Variants in LNX1 observed in about 807,000 individuals in gnomAD.
LNX1 encodes the protein E3 ubiquitin-protein ligase LNX.
Under a neutral mutation model 68.4 loss-of-function variants are expected in LNX1, and 54 were observed. The observed-to-expected ratio is 0.79, with a 90% CI of 0.63 to 0.99. The LOEUF (loss-of-function observed/expected upper bound fraction) is 0.99. Among genes scored for constraint, LNX1 ranks in the 50% least tolerant of loss-of-function variants. The pLI is 0.00. For missense variants in LNX1, 906 were observed against 926.4 expected, an observed-to-expected ratio of 0.98 and a Z score of 0.29; for synonymous variants, 336 against 350.0, an observed-to-expected ratio of 0.96 and a Z score of 0.45.
At chr4:53,640,902 C>G (rs541431282) in intron 1 of LNX1, among the ~76,000 whole-genome samples, 1 of 152,314 alleles carries the variant, frequency 6.6e-6, no homozygotes, top group South Asian at 2.1e-4. Flanking sequence ...TTTGGACAGT[C>G]TTTGTTTTTC....
At chr4:53,469,658 T>C (rs1454449340) in intron 9 of LNX1, among the ~76,000 whole-genome samples, 1 of 152,110 alleles carries the variant, frequency 6.6e-6, no homozygotes, top group East Asian at 1.9e-4. Flanking sequence ...ACAAAGGGGA[T>C]ATCACCACCA....
At chr4:53,547,614 C>T (rs1329009087) in intron 2 of LNX1, among the ~76,000 whole-genome samples, 1 of 152,164 alleles carries the variant, frequency 6.6e-6, no homozygotes, top group Admixed American at 6.5e-5. Context: ...CTGGATAGAG[C>T]TGCTAACAAA....
intron 6 of LNX1, among the ~76,000 whole-genome samples, chr4:53,490,313 T>C (rs1477517270): frequency 6.6e-6 from 1 of 152,244 alleles, no homozygotes; most frequent in Admixed American, 6.5e-5. Context: ...TGTTCTGTTA[T>C]CTTAGCTATG....
chr4:53,470,552 C>T (rs1312537749), intron 9 of LNX1, among the ~76,000 whole-genome samples: 1 of 152,198 alleles, frequency 6.6e-6, no homozygotes, highest in African/African-American at 2.4e-5. Context: ...GTCAAATTGT[C>T]CCTGTTTGCA....
chr4:53,496,071 T>C lies in LNX1; in HGVS notation c.1302A>G (p.Gly434=). 2.5e-6 allele frequency: 4 copies of C among 1,614,184 alleles called. No individual in the cohort carries two copies. The highest frequency in any genetic ancestry group is 3.4e-6 in the Non-Finnish European group (4 of 1,180,016). Residue 434 remains glycine, a synonymous_variant, in exon 6 of 11, where the codon GGA becomes GGG. Transcript: ENST00000263925. ...EENDRVLAIN[G]HDLRYGSPES... is the part of the protein sequence containing the mutation. Reference sequence around the variant, plus strand: ...CTGGGCTGCCATATCGAAGATCATGTCCATTGATGGCTAACACACGGTCAT... The same window carrying C: ...CTGGGCTGCCATATCGAAGATCATGCCCATTGATGGCTAACACACGGTCAT...
intron 2 of LNX1, among the ~76,000 whole-genome samples, chr4:53,523,995 A>C (rs1034879889): frequency 3.3e-5 from 5 of 152,238 alleles, no homozygotes; most frequent in African/African-American, 1.2e-4. Context: ...TGGTCAGCCT[A>C]GTCTTAAATT....
chr4:53,544,821 A>G (rs895007975), intron 2 of LNX1, among the ~76,000 whole-genome samples: 1 of 152,176 alleles, frequency 6.6e-6, no homozygotes, highest in Non-Finnish European at 1.5e-5. Flanking sequence ...CAGTAGCTCC[A>G]TGAGGTTGAT....
chr4:53,643,912 C>A (rs1279467084), intron 1 of LNX1, among the ~76,000 whole-genome samples: 2 of 152,168 alleles, frequency 1.3e-5, no homozygotes, highest in African/African-American at 2.4e-5. Flanking sequence ...ATGAATGGAG[C>A]ATGACCTGAC....
In LNX1 at chr4:53,623,699, G is replaced by A. The variant is rs1733969876; in HGVS notation, c.-215+28469C>T. 2.6e-5 allele frequency among the ~76,000 whole-genome samples: 4 copies of A among 151,890 alleles called. No homozygotes were observed. In the South Asian group the frequency reaches 6.3e-4, roughly 24 times the overall value. ...ATGTTTTATTTTTGTTAAAACCACC[G>A]AGAATTTATAACTATCAAGAGATTT... On this transcript the variant is annotated intron_variant, in intron 1 of 2. Coordinates refer to the LNX1 transcript ENST00000507168.
intron 6 of LNX1, among the ~76,000 whole-genome samples, chr4:53,493,617 G>A (rs185992615): frequency 1.1e-3 from 166 of 152,336 alleles, no homozygotes; most frequent in Non-Finnish European, 2.0e-3. Context: ...CCAGATCTCA[G>A]GTGCAGGCAA....
In LNX1 at chr4:53,506,697, A is replaced by C. The variant is rs1339542002; in HGVS notation, c.775+620T>G. 2.6e-5 allele frequency among the ~76,000 whole-genome samples: 4 copies of C among 152,010 alleles called. No individual in the cohort carries two copies. In the East Asian group the frequency reaches 7.7e-4, roughly 29 times the overall value. On this transcript the variant is annotated intron_variant, in intron 4 of 10. Transcript: ENST00000263925. ...TGGAGAAACCCCGTCTCTACTAAAA[A>C]ATACAAAAAATAGCTGGTTGTGGTT... is the stretch of plus-strand genomic sequence containing the variant.
At chr4:53,574,496 C>A (rs1031280520) in intron 1 of LNX1, among the ~76,000 whole-genome samples, 4 of 152,128 alleles carry the variant, frequency 2.6e-5, no homozygotes, top group African/African-American at 4.8e-5. Context: ...TTTCTCTTAT[C>A]TTTCTTCCCC....
rs573155391 is a variant in LNX1 at position 53,521,458 on chromosome 4, T to C, written c.381-13231A>G. On this transcript the variant is annotated intron_variant, in intron 2 of 10. Transcript: ENST00000263925. ...GCTGGGTGTCACAGGCCCTCCTGGA[T>C]ATGCTGCATGACACTCAGTGGAAAA... Among the ~76,000 whole-genome samples, 28 of 152,336 alleles carry C rather than the reference T, an allele frequency of 1.8e-4. No homozygotes were observed. In the South Asian group the frequency reaches 5.8e-3, roughly 32 times the overall value.
rs1296683652 is a variant in LNX1 at position 53,567,376 on chromosome 4, A to C, written c.380+6247T>G. Among the ~76,000 whole-genome samples, 18 of 149,830 alleles carry C rather than the reference A, an allele frequency of 1.2e-4. No homozygotes were observed. In the East Asian group the frequency reaches 3.5e-3, roughly 29 times the overall value. Reference sequence around the variant, plus strand: ...CCACTCAACTACATGGAAACTGAACAACCTGCTCCTGAATGACTACTGGGT... The same window carrying C: ...CCACTCAACTACATGGAAACTGAACCACCTGCTCCTGAATGACTACTGGGT... On this transcript the variant is annotated intron_variant, in intron 2 of 10. Transcript: ENST00000263925.
intron 1 of LNX1, among the ~76,000 whole-genome samples, chr4:53,586,025 A>G (rs1198946357): frequency 1.3e-5 from 2 of 152,188 alleles, no homozygotes; most frequent in Admixed American, 6.5e-5. Context: ...CTACATATTT[A>G]GCAACTCTAC....
intron 2 of LNX1, among the ~76,000 whole-genome samples, chr4:53,560,827 A>C (rs895258757): frequency 6.6e-6 from 1 of 152,238 alleles, no homozygotes; most frequent in Non-Finnish European, 1.5e-5. Context: ...CTACCTGGTT[A>C]AACCAATATA....
intron 2 of LNX1, chr4:53,524,215 T>G (rs1727450888): frequency 6.6e-6 from 1 of 152,192 alleles, no homozygotes; most frequent in African/African-American, 2.4e-5. Context: ...CACTAGACCT[T>G]GATGGCACTA....
chr4:53,466,906 C>CGAG (rs1366768202), intron 9 of LNX1, among the ~76,000 whole-genome samples: 1 of 152,206 alleles, frequency 6.6e-6, no homozygotes, highest in Admixed American at 6.5e-5. Flanking sequence ...CTGTAGGCTC[C>CGAG]ATCTCTGGGG....
chr4:53,544,426 C>A (rs1913486), intron 2 of LNX1, among the ~76,000 whole-genome samples: 26,745 of 152,038 alleles, frequency 0.18, 2,941 homozygotes, highest in South Asian at 0.34. Context: ...AACTACTGAA[C>A]TCAGGTGATC....
Sources: allele counts gnomAD v4.1 joint callset (sites outside exome capture counted in the v4.1 genomes callset), GRCh38; gene constraint gnomAD v4.1.1; transcripts MANE v1.5; gene names NCBI Gene and HGNC (gene_info 2026-07-23, HGNC 2026-07-21).